The following TAFA4 variants were observed in gnomAD, a reference collection of about 807,000 sequenced individuals.
TAFA4 encodes the protein TAFA chemokine like family member 4, also known as chemokine-like protein TAFA-4.
Under a neutral mutation model 21.1 loss-of-function variants are expected in TAFA4, and 20 were observed. That is an observed-to-expected ratio of 0.95 (90% CI 0.67 to 1.38). The LOEUF (loss-of-function observed/expected upper bound fraction) is 1.38, where lower values mean the gene tolerates loss of function less well. Ranked by LOEUF, TAFA4 falls within the 40% of genes most tolerant of loss-of-function variation. TAFA4 has a pLI of 0.00. For missense variants in TAFA4, 211 were observed against 180.9 expected (o/e 1.17, Z -0.95); for synonymous variants, 71 against 67.4 (o/e 1.05, Z -0.26).
rs929184841 is a variant in TAFA4 at position 68,931,731 on chromosome 3, G to A, written c.-123+509C>T. 5.5e-5 allele frequency among the ~76,000 whole-genome samples: 7 copies of A among 128,006 alleles called. No homozygotes were observed. In the South Asian group the frequency reaches 1.7e-3, roughly 31 times the overall value. 84.0% of individuals were successfully genotyped at this position (128,006 alleles called of 152,430 possible). A position where few individuals can be genotyped will look rare whatever the true frequency, so the allele number is the denominator to read the frequency against. ...AAGACGCCTCCCGAGCGCTCGCTGC[G>A]CCCTTCAAGCAAGATCCTAGCAACC... On this transcript the variant is annotated intron_variant, in intron 1 of 5. Transcript: ENST00000295569.
chr3:68,891,106 G>C (rs1482507669), intron 1 of TAFA4, among the ~76,000 whole-genome samples: 3 of 152,066 alleles, frequency 2.0e-5, no homozygotes, highest in African/African-American at 7.2e-5. Context: ...CTGCACTTCT[G>C]AATAGAACTC....
chr3:68,914,934 T>C (rs2089990690), intron 1 of TAFA4, among the ~76,000 whole-genome samples: 1 of 152,236 alleles, frequency 6.6e-6, no homozygotes, highest in Non-Finnish European at 1.5e-5. Context: ...ATAAAATGTA[T>C]TAGAACATGG....
intron 1 of TAFA4, among the ~76,000 whole-genome samples, chr3:68,887,272 T>C (rs910968219): frequency 5.3e-5 from 8 of 152,214 alleles, no homozygotes; most frequent in African/African-American, 1.9e-4. Context: ...TAATGTCCTT[T>C]GGCTCTGTAT....
At chr3:68,777,856 C>T (rs909500064) in intron 3 of TAFA4, among the ~76,000 whole-genome samples, 2 of 152,142 alleles carry the variant, frequency 1.3e-5, no homozygotes, top group East Asian at 3.8e-4. Flanking sequence ...AGTACCATAA[C>T]ATGCTGTCCA....
chr3:68,837,318 A>C (rs1231405857), intron 3 of TAFA4, among the ~76,000 whole-genome samples: 2 of 152,188 alleles, frequency 1.3e-5, no homozygotes, highest in Non-Finnish European at 2.9e-5. Flanking sequence ...CAGAATCAAC[A>C]TTTTAACAAG....
chr3:68,859,618 C>A (rs2089304489), intron 3 of TAFA4, among the ~76,000 whole-genome samples: 1 of 152,048 alleles, frequency 6.6e-6, no homozygotes, highest in African/African-American at 2.4e-5. Flanking sequence ...GGTTAATGGA[C>A]TGAGACTTGG....
At chr3:68,757,917 C>T (rs1702687712) in intron 3 of TAFA4, among the ~76,000 whole-genome samples, 1 of 151,984 alleles carries the variant, frequency 6.6e-6, no homozygotes, top group African/African-American at 2.4e-5. Context: ...GTTTTAGGTA[C>T]TGTTTGAATT....
At chr3:68,850,325 G>C (rs114327998) in intron 3 of TAFA4, among the ~76,000 whole-genome samples, 6,716 of 152,234 alleles carry the variant, frequency 0.044, 208 homozygotes, top group Non-Finnish European at 0.068. Context: ...CTCAGGACAA[G>C]GGACACAGCA....
chr3:68,826,389 C>T (rs959002572), intron 3 of TAFA4, among the ~76,000 whole-genome samples: 40 of 152,038 alleles, frequency 2.6e-4, no homozygotes, highest in Non-Finnish European at 5.9e-5. Flanking sequence ...CTGGCTAACA[C>T]GGTGAAATCT....
Position 68,880,753 on chromosome 3 carries a change from C to G in TAFA4, c.107G>C (p.Ser36Thr), listed in dbSNP as rs1316479510. Residue 36 changes from serine to threonine, a missense_variant, in exon 3 of 6, where the codon AGC becomes ACC. By Grantham distance (58) the Ser-to-Thr change is moderately conservative. Coordinates refer to ENST00000295569, the MANE Select transcript of TAFA4 (RefSeq NM_182522.5). ...ACCTGCATGTCCCCGGAGGTGCTGG[C>G]TTGAGGCGGACATCAGCTTACAGCA... ...MVCCKLMSAS[S>T]QHLRGHAGHH... is the part of the protein sequence containing the mutation. 2 of 1,613,828 alleles carry G rather than the reference C, an allele frequency of 1.2e-6. No individual in the cohort carries two copies.
At chr3:68,831,608 C>T (rs376585662) in intron 3 of TAFA4, among the ~76,000 whole-genome samples, 8 of 152,170 alleles carry the variant, frequency 5.3e-5, no homozygotes, top group South Asian at 2.1e-4. Flanking sequence ...CTCTGGCTGC[C>T]CTTAACATTT....
At chr3:68,808,164 CAGAGT>C (rs1487974882) in intron 3 of TAFA4, among the ~76,000 whole-genome samples, 1 of 152,116 alleles carries the variant, frequency 6.6e-6, no homozygotes, top group African/African-American at 2.4e-5. Flanking sequence ...AGTTACTAGT[CAGAGT>C]AGAGAGGAAG....
At chr3:68,894,208 G>C (rs1363506408) in intron 1 of TAFA4, among the ~76,000 whole-genome samples, 2 of 150,784 alleles carry the variant, frequency 1.3e-5, no homozygotes, top group African/African-American at 2.4e-5. Context: ...ACCCAGGTTG[G>C]AGTGCAGTGG....
intron 4 of TAFA4, among the ~76,000 whole-genome samples, chr3:68,749,743 T>C (rs1702526746): frequency 6.6e-6 from 1 of 152,210 alleles, no homozygotes; most frequent in Non-Finnish European, 1.5e-5. Context: ...ACTGGCACTC[T>C]CTGACCACAA....
intron 1 of TAFA4, among the ~76,000 whole-genome samples, chr3:68,921,782 C>A (rs969585199): frequency 6.6e-6 from 1 of 152,174 alleles, no homozygotes; most frequent in Non-Finnish European, 1.5e-5. Flanking sequence ...GAAATTGAAG[C>A]CTTGTTTTTT....
At chr3:68,838,556 G>T (rs1312538687) in intron 3 of TAFA4, among the ~76,000 whole-genome samples, 1 of 152,088 alleles carries the variant, frequency 6.6e-6, no homozygotes, top group East Asian at 1.9e-4. Flanking sequence ...CTAGGTCAGG[G>T]GTCAGCAGAC....
At chr3:68,871,929 G>C (rs1006617382) in intron 3 of TAFA4, among the ~76,000 whole-genome samples, 5 of 152,018 alleles carry the variant, frequency 3.3e-5, no homozygotes, top group African/African-American at 1.2e-4. Context: ...GTGGAGAAAG[G>C]AGAACACTCA....
chr3:68,735,418 C>G (rs1316894453), intron 5 of TAFA4, among the ~76,000 whole-genome samples: 1 of 152,080 alleles, frequency 6.6e-6, no homozygotes, highest in Non-Finnish European at 1.5e-5. Flanking sequence ...AGGTAGAGAG[C>G]TCAGTTAGAC....
intron 3 of TAFA4, among the ~76,000 whole-genome samples, chr3:68,811,668 A>T (rs1425292218): frequency 1.3e-5 from 2 of 152,236 alleles, no homozygotes; most frequent in Admixed American, 6.5e-5. Context: ...GAAATATGGG[A>T]CTATGTGAAA....
Sources: allele counts gnomAD v4.1 joint callset (sites outside exome capture counted in the v4.1 genomes callset), GRCh38; gene constraint gnomAD v4.1.1; transcripts MANE v1.5; gene names NCBI Gene and HGNC (gene_info 2026-07-23, HGNC 2026-07-21).